ZNF775: variants seen among roughly 807,000 people sequenced by gnomAD.
The protein encoded by ZNF775 is zinc finger protein 775.
ZNF775 carries 1 observed loss-of-function variant against 2.4 expected under a neutral mutation model. That is an observed-to-expected ratio of 0.41 (90% CI 0.15 to 1.94). The LOEUF is 1.94. Among genes scored for constraint, ZNF775 ranks in the 30% most tolerant of loss-of-function variants. The probability of loss-of-function intolerance (pLI) is 0.30; values close to 1 mark genes in which losing one functional copy is unlikely to be tolerated. For synonymous variants in ZNF775, 381 were observed against 373.3 expected, an observed-to-expected ratio of 1.02 and a Z score of -0.24; for missense variants, 823 against 826.6, an observed-to-expected ratio of 1.00 and a Z score of 0.05.
intron 2 of ZNF775, among the ~76,000 whole-genome samples, chr7:150,389,507 C>T (rs914419998): frequency 7.9e-5 from 12 of 152,350 alleles, no homozygotes; most frequent in Admixed American, 6.5e-4. Context: ...CAGGAGCACC[C>T]TAGCTGCATG....
chr7:150,394,508 G>T lies in ZNF775; in HGVS notation c.32-2005G>T, dbSNP rs539451116. Among the ~76,000 whole-genome samples, 3 of 152,220 alleles carry T rather than the reference G, an allele frequency of 2.0e-5. No homozygotes were observed. The East Asian group carries it at 5.8e-4, about 29-fold the overall frequency. ...GCTGATTTCAGGGATGGTGAGCATC[G>T]CATTTTGTTTCTACCTGTAATGGGC... On this transcript the variant is annotated intron_variant, in intron 2 of 2. Transcript: ENST00000329630.
Position 150,396,904 on chromosome 7 carries a change from C to G in ZNF775, c.423C>G (p.Gly141=), listed in dbSNP as rs1044677157. 3.7e-6 allele frequency: 6 copies of G among 1,602,292 alleles called. No individual in the cohort carries two copies. Among genetic ancestry groups the G allele is most frequent in the Non-Finnish European group, 5.1e-6 (6 of 1,179,742 alleles). ...GEKPYLCGKC[G]KSFSQKPNLA... ...AGCCGTACCTCTGCGGCAAGTGCGG[C>G]AAGAGCTTCAGCCAGAAGCCGAACC... The change falls in exon 3 of 3, where the codon GGC becomes GGG. Residue 141 remains glycine, a synonymous_variant. Coordinates refer to ENST00000329630, the MANE Select transcript of ZNF775 (RefSeq NM_173680.4).
At chr7:150,391,879 T>C (rs1445199159) in intron 2 of ZNF775, among the ~76,000 whole-genome samples, 1 of 151,782 alleles carries the variant, frequency 6.6e-6, no homozygotes, top group Non-Finnish European at 1.5e-5. Flanking sequence ...ACCCGGCTAA[T>C]TGTTTTGTAT....
At position 150,386,903 on chromosome 7, in the gene ZNF775, C is replaced by T. The variant is rs1316431016; in HGVS notation, c.-49-1519C>T. Among the ~76,000 whole-genome samples the T allele has an allele frequency of 3.3e-5, 5 of 152,296 alleles. No homozygotes were observed. The East Asian group carries it at 9.7e-4, about 29-fold the overall frequency. On this transcript the variant is annotated intron_variant, in intron 1 of 2. Transcript: ENST00000329630. ...ATCCAGCAGCAAGCATGAAGAGCTC[C>T]TGACCTTGCTGTGGTGGGGAACAGA... is the stretch of plus-strand genomic sequence containing the variant.
chr7:150,396,781 T>TA lies in ZNF775; in HGVS notation c.300_301insA (p.Ser101IlefsTer273). The TA allele has an allele frequency of 6.3e-7, 1 of 1,594,958 alleles. No homozygotes were observed. Among genetic ancestry groups the TA allele is most frequent in the Non-Finnish European group, 8.5e-7 (1 of 1,171,932 alleles). ...CCTCCGGCCCCCTGAGCCCCTCGCTTTCCTCCGGCGAGGGTCACTTTGTAT... is the reference window on the plus strand; with the variant it reads ...CCTCCGGCCCCCTGAGCCCCTCGCTTATCCTCCGGCGAGGGTCACTTTGTAT... On this transcript the variant is annotated frameshift_variant, in exon 3 of 3. Transcript: ENST00000329630. LOFTEE classifies it low-confidence loss of function (END_TRUNC).
rs1191957635 is a variant in ZNF775 at position 150,397,741 on chromosome 7, A to G, written c.1260A>G (p.Gln420=). 7 of 1,465,244 alleles carry G rather than the reference A, an allele frequency of 4.8e-6. No homozygotes were observed. The highest frequency in any genetic ancestry group is 2.5e-5 in the Admixed American group (1 of 39,268). The allele number at this position is 1,465,244 out of a possible 1,614,324, so 90.8% of individuals were successfully genotyped here. ...PGLAARPRSS[Q]RSPGARDTLW... is the part of the protein sequence containing the mutation. ...TGGCCGCGAGGCCGCGGAGCTCCCA[A>G]CGGTCCCCGGGGGCCCGGGACACGC... The change falls in exon 3 of 3, where the codon CAA becomes CAG. Residue 420 remains glutamine, a synonymous_variant. Transcript: ENST00000329630.
In ZNF775 at chr7:150,396,641, C is replaced by T. The variant is rs764685153; in HGVS notation, c.160C>T (p.Arg54Cys). ...IFQQHRGLPP[R>C]QTMGRPRALG... ...TCAGCAGCACCGGGGCCTCCCGCCACGCCAGACCATGGGGCGGCCTCGAGC... is the reference window on the plus strand; with the variant it reads ...TCAGCAGCACCGGGGCCTCCCGCCATGCCAGACCATGGGGCGGCCTCGAGC... Residue 54 changes from arginine to cysteine, a missense_variant, in exon 3 of 3, where the codon CGC becomes TGC. By Grantham distance (180) the Arg-to-Cys change is radical. Transcript: ENST00000329630. The T allele has an allele frequency of 7.4e-6, 12 of 1,611,782 alleles. No individual in the cohort carries two copies. Among genetic ancestry groups the T allele is most frequent in the African/African-American group, 1.3e-5 (1 of 74,944 alleles).
At chr7:150,387,687 C>T (rs970676628) in intron 1 of ZNF775, among the ~76,000 whole-genome samples, 1 of 152,154 alleles carries the variant, frequency 6.6e-6, no homozygotes, top group African/African-American at 2.4e-5. Context: ...GTGGCGGGCG[C>T]CTGTAGTCCC....
rs144944118 is a variant in ZNF775 at position 150,380,742 on chromosome 7, T to A, written c.-50+1350T>A. Among the ~76,000 whole-genome samples, 697 of 152,338 alleles carry A rather than the reference T, an allele frequency of 4.6e-3. 6 individuals carry two copies. Among genetic ancestry groups the A allele is most frequent in the African/African-American group, 0.016 (655 of 41,564 alleles). On this transcript the variant is annotated intron_variant, in intron 1 of 2. Coordinates refer to ENST00000329630, the MANE Select transcript of ZNF775 (RefSeq NM_173680.4). ...GTTTCTGAAAAACAACTCAAGGACA[T>A]ATGCTAAGATGTTACCTTTAGTTTC...
chr7:150,398,118 G>T lies in ZNF775; in HGVS notation c.*23G>T. 2.0e-6 allele frequency: 3 copies of T among 1,536,628 alleles called. No individual in the cohort carries two copies. The highest frequency in any genetic ancestry group is 1.7e-6 in the Non-Finnish European group (2 of 1,146,458). ...TAGTGGACTGGACCTCAGCGGACCC[G>T]TGGTGGTGCGGGGGATGTTTGCGGG... On this transcript the variant is annotated 3_prime_UTR_variant, in exon 3 of 3. Coordinates refer to ENST00000329630, the MANE Select transcript of ZNF775 (RefSeq NM_173680.4).
intron 1 of ZNF775, among the ~76,000 whole-genome samples, chr7:150,381,009 C>A (rs570686529): frequency 6.6e-6 from 1 of 152,184 alleles, no homozygotes; most frequent in African/African-American, 2.4e-5. Flanking sequence ...GGGATGCAAA[C>A]GTGTTTATTA....
intron 2 of ZNF775, among the ~76,000 whole-genome samples, chr7:150,392,013 G>A (rs545290671): frequency 1.5e-4 from 23 of 152,062 alleles, no homozygotes; most frequent in East Asian, 5.8e-4. Context: ...TGCACCTGGC[G>A]GAAATTCCCA....
At position 150,398,353 on chromosome 7, in the gene ZNF775, T is replaced by C. The variant is rs1444370591; in HGVS notation, c.*258T>C. 1.7e-6 allele frequency: 1 copy of C among 574,798 alleles called. No homozygotes were observed. Among genetic ancestry groups the C allele is most frequent in the Admixed American group, 3.4e-5 (1 of 29,434 alleles). 35.6% of individuals were successfully genotyped at this position (574,798 alleles called of 1,614,324 possible). On this transcript the variant is annotated 3_prime_UTR_variant, in exon 3 of 3. Coordinates refer to ENST00000329630, the MANE Select transcript of ZNF775 (RefSeq NM_173680.4). ...GGATGTGACCACCCTCTTCAGAGGTTGGACCCCAGGCTTCAAGCACCGAGT... is the reference window on the plus strand; with the variant it reads ...GGATGTGACCACCCTCTTCAGAGGTCGGACCCCAGGCTTCAAGCACCGAGT...
rs1190925759 is a variant in ZNF775, at chr7:150,384,682, G to C, written c.-49-3740G>C. On this transcript the variant is annotated intron_variant, in intron 1 of 2. Transcript: ENST00000329630. This position sits in a 1 kb window ranked among gnomAD's most constrained non-coding sequence, Gnocchi z 4.1. ...TGAATTTCTCACTTCTTCCTCTTGG[G>C]TCCTCTTCCTTCTGTCTCCATTTCT... Among the ~76,000 whole-genome samples, 3 of 152,082 alleles carry C rather than the reference G, an allele frequency of 2.0e-5. No individual in the cohort carries two copies.
At chr7:150,390,603 T>C (rs558120865) in intron 2 of ZNF775, among the ~76,000 whole-genome samples, 10 of 152,390 alleles carry the variant, frequency 6.6e-5, no homozygotes, top group Admixed American at 3.9e-4. Flanking sequence ...TTAAAATGTT[T>C]TGAGAATCTT....
chr7:150,391,367 G>A (rs142896771), intron 2 of ZNF775, among the ~76,000 whole-genome samples: 137 of 152,278 alleles, frequency 9.0e-4, no homozygotes, highest in African/African-American at 3.2e-3. Flanking sequence ...ACTTAGCTGG[G>A]TGTGGTGGTG....
rs1376675593 is a variant in ZNF775, at chr7:150,384,391, G to C, written c.-49-4031G>C. 6.6e-6 allele frequency among the ~76,000 whole-genome samples: 1 copy of C among 152,242 alleles called. No individual in the cohort carries two copies. The highest frequency in any genetic ancestry group is 2.4e-5 in the African/African-American group (1 of 41,468). On this transcript the variant is annotated intron_variant, in intron 1 of 2. Transcript: ENST00000329630. The surrounding 1 kb of genome is among the most constrained non-coding windows in gnomAD (Gnocchi z 4.1). ...CTCACCTGGCTCCTGGGTGTCTCCA[G>C]GTGGCTGAGGACATGTCAGGATGGT... is the stretch of plus-strand genomic sequence containing the variant.
At chr7:150,396,079 G>A (rs1408350200) in intron 2 of ZNF775, among the ~76,000 whole-genome samples, 2 of 152,188 alleles carry the variant, frequency 1.3e-5, no homozygotes, top group African/African-American at 4.8e-5. Flanking sequence ...AGAATGGTAT[G>A]TTTTGCAGCT....
In ZNF775 at chr7:150,379,334, C is replaced by A. The variant is rs1464913351; in HGVS notation, c.-108C>A. On this transcript the variant is annotated 5_prime_UTR_variant, in exon 1 of 3. Coordinates refer to ENST00000329630, the MANE Select transcript of ZNF775 (RefSeq NM_173680.4). Reference sequence around the variant, plus strand: ...CCGGGAATGGCCAGGGCCGGGAGCCCGGTGCCCAAGTCGCCCTCGGGGTGG... The same window carrying A: ...CCGGGAATGGCCAGGGCCGGGAGCCAGGTGCCCAAGTCGCCCTCGGGGTGG... The A allele has an allele frequency of 1.3e-5, 2 of 152,248 alleles. No homozygotes were observed. Among genetic ancestry groups the A allele is most frequent in the African/African-American group, 4.8e-5 (2 of 41,462 alleles). The allele number at this position is 152,248 out of a possible 1,614,324, so 9.4% of individuals were successfully genotyped here. A position where few individuals can be genotyped will look rare whatever the true frequency, so the allele number is the denominator to read the frequency against.
Sources: allele counts gnomAD v4.1 joint callset (sites outside exome capture counted in the v4.1 genomes callset), GRCh38; gene constraint gnomAD v4.1.1; non-coding constraint Gnocchi (gnomAD v3.1); transcripts MANE v1.5; gene names NCBI Gene and HGNC (gene_info 2026-07-23, HGNC 2026-07-21).